UTP15: variants seen among roughly 807,000 people sequenced by gnomAD.
UTP15 encodes the protein UTP15 small subunit processome component.
Under a neutral mutation model 59.1 loss-of-function variants are expected in UTP15, and 5 were observed. The ratio of observed to expected loss-of-function variants is 0.08; its 90% confidence interval spans 0.04 to 0.18. UTP15 has a LOEUF of 0.18. Ranked by LOEUF, UTP15 falls within the 10% of genes least tolerant of loss-of-function variation. The probability of loss-of-function intolerance (pLI) is 1.00; values close to 1 mark genes in which losing one functional copy is unlikely to be tolerated. For missense variants in UTP15, 494 were observed against 616.7 expected, an observed-to-expected ratio of 0.80 and a Z score of 2.11; for synonymous variants, 211 against 212.2, an observed-to-expected ratio of 0.99 and a Z score of 0.05.
In UTP15 at chr5:73,582,812, C is replaced by G. The variant is rs1386075731; in HGVS notation, c.*2718C>G. The G allele has an allele frequency of 6.6e-6, 1 of 152,178 alleles. No individual in the cohort carries two copies. Among genetic ancestry groups the G allele is most frequent in the Non-Finnish European group, 1.5e-5 (1 of 68,034 alleles). 9.4% of individuals were successfully genotyped at this position (152,178 alleles called of 1,614,324 possible). Reference sequence around the variant, plus strand: ...ATTCTAATTTAAAATGCTTAACAGACTTTTAGACTTATGAGTTTCAGTTGA... The same window carrying G: ...ATTCTAATTTAAAATGCTTAACAGAGTTTTAGACTTATGAGTTTCAGTTGA... On this transcript the variant is annotated 3_prime_UTR_variant, in exon 13 of 13. Coordinates refer to ENST00000296792, the MANE Select transcript of UTP15 (RefSeq NM_032175.4).
At chr5:73,571,402 A>G (rs537393573) in intron 6 of UTP15, among the ~76,000 whole-genome samples, 217 of 152,042 alleles carry the variant, frequency 1.4e-3, no homozygotes, top group African/African-American at 4.3e-3. Flanking sequence ...TGGGACTGAG[A>G]TGTTTTTCTC....
At chr5:73,574,062 C>A (rs1046172595) in intron 7 of UTP15, among the ~76,000 whole-genome samples, 1 of 152,008 alleles carries the variant, frequency 6.6e-6, no homozygotes, top group Non-Finnish European at 1.5e-5. Flanking sequence ...GTGGCTTACA[C>A]CTGTAATCCC....
In UTP15 at chr5:73,570,377, C is replaced by CAAGTTAGATTCTGTATAGT. The variant is rs1207522537; in HGVS notation, c.548-207_548-189dup. Among the ~76,000 whole-genome samples the CAAGTTAGATTCTGTATAGT allele has an allele frequency of 7.9e-5, 12 of 152,252 alleles. No individual in the cohort carries two copies. In the East Asian group the frequency reaches 2.1e-3, roughly 27 times the overall value. ...AGAAAGAAATATTTTAAGATCAGAGCAAGTTAGATTCTGTATAGTATTATG... is the reference window on the plus strand; with the variant it reads ...AGAAAGAAATATTTTAAGATCAGAGCAAGTTAGATTCTGTATAGTAAGTTAGATTCTGTATAGTATTATG... On this transcript the variant is annotated intron_variant, in intron 5 of 12. Transcript: ENST00000296792.
In UTP15 at chr5:73,580,757, C is replaced by CA. The variant is rs1554046470; in HGVS notation, c.*663_*664insA. 1 of 147,282 alleles carries CA rather than the reference C, an allele frequency of 6.8e-6. No individual in the cohort carries two copies. The highest frequency in any genetic ancestry group is 2.5e-5 in the African/African-American group (1 of 40,342). The allele number at this position is 147,282 out of a possible 1,614,324, so 9.1% of individuals were successfully genotyped here. On this transcript the variant is annotated 3_prime_UTR_variant, in exon 13 of 13. Transcript: ENST00000296792. ...TCTACAGATAGACCTTATTGGACTACTTTTTTTTTTTTCTTCATGCAGCCT... is the reference window on the plus strand; with the variant it reads ...TCTACAGATAGACCTTATTGGACTACATTTTTTTTTTTTCTTCATGCAGCCT...
chr5:73,578,618 C>A, intron 9 of UTP15, 133 bp from the exon 10 acceptor site: 5 of 617,136 alleles, frequency 8.1e-6, no homozygotes, highest in Non-Finnish European at 5.2e-6. Context: ...TTTATTTAAT[C>A]TACATTATGG....
chr5:73,580,380 C>G lies in UTP15; in HGVS notation c.*286C>G, dbSNP rs1169889234. 2 of 243,464 alleles carry G rather than the reference C, an allele frequency of 8.2e-6. No homozygotes were observed. Among genetic ancestry groups the G allele is most frequent in the Non-Finnish European group, 1.6e-5 (2 of 126,756 alleles). 15.1% of individuals were successfully genotyped at this position (243,464 alleles called of 1,614,324 possible). On this transcript the variant is annotated 3_prime_UTR_variant, in exon 13 of 13. Transcript: ENST00000296792. The stretch of plus-strand genomic sequence containing the variant: ...ATATTAATTTTAATACAGGAGTGTT[C>G]TGTATCAACATTTGGGTTGGTATTC...
chr5:73,568,120 A>G, intron 2 of UTP15, 115 bp from the exon 3 acceptor site: 1 of 748,248 alleles, frequency 1.3e-6, no homozygotes, highest in South Asian at 2.9e-5. Flanking sequence ...TATGTTAAAT[A>G]CAACTTAAGA....
rs1349683176 is a variant in UTP15, at chr5:73,568,430, A to G, written c.194A>G (p.Tyr65Cys). The G allele has an allele frequency of 9.3e-6, 15 of 1,609,214 alleles. No homozygotes were observed. Among genetic ancestry groups the G allele is most frequent in the Non-Finnish European group, 1.3e-5 (15 of 1,177,486 alleles). ...AVTASSRIHI[Y>C]GRYSQEPIKT... is the part of the protein sequence containing the mutation. ...TTTTTCATCTTGTAGATTCACATTT[A>G]TGGCCGATACTCCCAAGAACCTATA... Residue 65 changes from tyrosine to cysteine, a missense_variant, in exon 4 of 13, where the codon TAT (tyrosine) becomes TGT (cysteine). Coordinates refer to ENST00000296792, the MANE Select transcript of UTP15 (RefSeq NM_032175.4).
intron 7 of UTP15, among the ~76,000 whole-genome samples, chr5:73,575,148 CTG>C (rs759920578): frequency 3.9e-5 from 6 of 152,172 alleles, no homozygotes; most frequent in East Asian, 1.9e-4. Context: ...GAAGGATTGA[CTG>C]TACATATTTT....
chr5:73,577,674 GA>G (rs1433353191), intron 8 of UTP15, among the ~76,000 whole-genome samples, 181 bp from the exon 9 acceptor site: 1 of 152,086 alleles, frequency 6.6e-6, no homozygotes, highest in Non-Finnish European at 1.5e-5. Flanking sequence ...GTATCCTAAG[GA>G]AAAAATGATT....
Position 73,572,366 on chromosome 5 carries a change from G to C in UTP15, c.674-123G>C. On this transcript the variant is annotated intron_variant, in intron 6 of 12. Transcript: ENST00000296792. ...CATCCAGGATTTTACCAGGCAGCCT[G>C]GCCTGGACTCCCTCACTCAGCCTCC... 3.1e-6 allele frequency: 4 copies of C among 1,272,726 alleles called. No individual in the cohort carries two copies. The South Asian group carries it at 5.8e-5, about 18-fold the overall frequency. The allele number at this position is 1,272,726 out of a possible 1,614,324, so 78.8% of individuals were successfully genotyped here.
chr5:73,569,736 C>G (rs977307899), intron 5 of UTP15, 61 bp downstream of exon 5: 6 of 1,381,878 alleles, frequency 4.3e-6, no homozygotes, highest in Non-Finnish European at 4.8e-6. Context: ...TTTAATGTTG[C>G]TATGGGACTC....
chr5:73,575,238 A>G (rs1220627), intron 7 of UTP15, among the ~76,000 whole-genome samples: 27,861 of 152,254 alleles, frequency 0.18, 2,888 homozygotes, highest in Non-Finnish European at 0.23. Context: ...TACTGAAATC[A>G]TGTTACTCGG....
chr5:73,566,361 G>T (rs1480185667), intron 1 of UTP15, among the ~76,000 whole-genome samples: 1 of 152,230 alleles, frequency 6.6e-6, no homozygotes, highest in Non-Finnish European at 1.5e-5. Context: ...CAAAGGCACA[G>T]ACCATGTCTT....
At chr5:73,578,565 C>CTTT in intron 9 of UTP15, 186 bp from the exon 10 acceptor site, 5 of 445,126 alleles carry the variant, frequency 1.1e-5, no homozygotes, top group East Asian at 7.5e-5. Context: ...CAAGTTACTC[C>CTTT]TTTTTTTTTT....
At position 73,580,867 on chromosome 5, in the gene UTP15, C is replaced by T. The variant is rs975379257; in HGVS notation, c.*773C>T. On this transcript the variant is annotated 3_prime_UTR_variant, in exon 13 of 13. Transcript: ENST00000296792. ...TACAACAGCCTTTCAGACTATTCTT[C>T]ATATGTTTCAAGCTAATCTTGTAGC... The T allele has an allele frequency of 6.6e-6, 1 of 151,978 alleles. No individual in the cohort carries two copies. Among genetic ancestry groups the T allele is most frequent in the Non-Finnish European group, 1.5e-5 (1 of 68,006 alleles). 9.4% of individuals were successfully genotyped at this position (151,978 alleles called of 1,614,324 possible).
chr5:73,581,221 AT>A lies in UTP15; in HGVS notation c.*1132del, dbSNP rs1266818948. 6.6e-6 allele frequency: 1 copy of A among 151,846 alleles called. No homozygotes were observed. The highest frequency in any genetic ancestry group is 6.6e-5 in the Admixed American group (1 of 15,240). The allele number at this position is 151,846 out of a possible 1,614,324, so 9.4% of individuals were successfully genotyped here. On this transcript the variant is annotated 3_prime_UTR_variant, in exon 13 of 13. Transcript: ENST00000296792. Reference sequence around the variant, plus strand: ...AGGTGTGCCCCACCACGCCTGGCTAATTTTTGTAGTTTTAGTAGAGACGGGG... The same window carrying A: ...AGGTGTGCCCCACCACGCCTGGCTAATTTTGTAGTTTTAGTAGAGACGGGG...
chr5:73,573,479 C>T (rs1287452419), intron 7 of UTP15, among the ~76,000 whole-genome samples: 4 of 151,598 alleles, frequency 2.6e-5, no homozygotes, highest in South Asian at 2.1e-4. Flanking sequence ...AACTTCTGGC[C>T]TCGTGTGGTC....
rs1748264454 is a variant in UTP15, at chr5:73,580,370, C to T, written c.*276C>T. ...TCTGGGATGGATATTAATTTTAATA[C>T]AGGAGTGTTCTGTATCAACATTTGG... On this transcript the variant is annotated 3_prime_UTR_variant, in exon 13 of 13. Coordinates refer to ENST00000296792, the MANE Select transcript of UTP15 (RefSeq NM_032175.4). 1 of 282,070 alleles carries T rather than the reference C, an allele frequency of 3.5e-6. No homozygotes were observed. The highest frequency in any genetic ancestry group is 6.7e-6 in the Non-Finnish European group (1 of 149,824). The allele number at this position is 282,070 out of a possible 1,614,324, so 17.5% of individuals were successfully genotyped here. A position where few individuals can be genotyped will look rare whatever the true frequency, so the allele number is the denominator to read the frequency against.
Sources: allele counts gnomAD v4.1 joint callset (sites outside exome capture counted in the v4.1 genomes callset), GRCh38; gene constraint gnomAD v4.1.1; transcripts MANE v1.5; gene names NCBI Gene and HGNC (gene_info 2026-07-23, HGNC 2026-07-21).